The following ADGRG7 variants were observed in gnomAD, a reference collection of about 807,000 sequenced individuals.
ADGRG7 encodes G-protein coupled receptor 128.
Under a neutral mutation model 88.6 loss-of-function variants are expected in ADGRG7, and 82 were observed. The observed-to-expected ratio is 0.93, with a 90% CI of 0.77 to 1.11. The LOEUF is 1.11. Ranked by LOEUF, ADGRG7 falls within the 50% of genes most tolerant of loss-of-function variation. The pLI is 0.00. For synonymous variants in ADGRG7, 381 were observed against 345.2 expected, an observed-to-expected ratio of 1.10 and a Z score of -1.15; for missense variants, 945 against 953.4, an observed-to-expected ratio of 0.99 and a Z score of 0.12.
intron 8 of ADGRG7, among the ~76,000 whole-genome samples, chr3:100,645,225 G>A (rs1394710696): frequency 6.6e-6 from 1 of 152,262 alleles, no homozygotes; most frequent in East Asian, 1.9e-4. Context: ...CTCTTTGACT[G>A]CTGCCACCAA....
chr3:100,667,747 A>G (rs899228052), intron 14 of ADGRG7, among the ~76,000 whole-genome samples: 7 of 152,128 alleles, frequency 4.6e-5, no homozygotes, highest in Middle Eastern at 3.2e-3. Flanking sequence ...TTGAGGAATC[A>G]CCACACTATC....
rs183515656 is a variant in ADGRG7, at chr3:100,612,452, A to G, written c.115+2481A>G. 2.4e-4 allele frequency among the ~76,000 whole-genome samples: 37 copies of G among 152,340 alleles called. 1 individual carries two copies. The East Asian group carries it at 6.9e-3, about 29-fold the overall frequency. On this transcript the variant is annotated intron_variant, in intron 1 of 15. Coordinates refer to ENST00000273352, the MANE Select transcript of ADGRG7 (RefSeq NM_032787.3). Reference sequence around the variant, plus strand: ...TTGGGCATTCTTCATAGAAAAACACAAGAAGCAGTATAGCTTTTGGGCCCC... The same window carrying G: ...TTGGGCATTCTTCATAGAAAAACACGAGAAGCAGTATAGCTTTTGGGCCCC...
intron 5 of ADGRG7, among the ~76,000 whole-genome samples, chr3:100,636,645 G>A (rs76065821): frequency 4.7e-5 from 7 of 150,232 alleles, no homozygotes; most frequent in Non-Finnish European, 1.5e-5. Context: ...TTTTGTTTCA[G>A]AAAAAAAAAA....
chr3:100,687,768 A>G (rs1198739137), intron 15 of ADGRG7, among the ~76,000 whole-genome samples: 1 of 152,150 alleles, frequency 6.6e-6, no homozygotes, highest in African/African-American at 2.4e-5. Flanking sequence ...GTGCTGCTGG[A>G]TTCGGTTTGC....
intron 3 of ADGRG7, among the ~76,000 whole-genome samples, chr3:100,631,546 G>A (rs1349426237): frequency 1.3e-5 from 2 of 151,952 alleles, no homozygotes; most frequent in Non-Finnish European, 2.9e-5. Context: ...TTGCATTTGA[G>A]CAGTCCTACT....
chr3:100,643,325 C>T lies in ADGRG7; in HGVS notation c.758C>T (p.Pro253Leu). The change falls in exon 7 of 16, where the codon CCT becomes CTT. Residue 253 changes from proline (P) to leucine (L), a missense_variant. By Grantham distance (98) the Pro-to-Leu change is moderately conservative. Transcript: ENST00000273352. ...LSLGNQSVVE[P>L]NIAIQSANFS... ...TTGGGTAATCAATCAGTGGTGGAACCTAACATAGCAATACAGTCAGCAAAT... is the reference window on the plus strand; with the variant it reads ...TTGGGTAATCAATCAGTGGTGGAACTTAACATAGCAATACAGTCAGCAAAT... 1 of 1,613,998 alleles carries T rather than the reference C, an allele frequency of 6.2e-7. No individual in the cohort carries two copies.
intron 15 of ADGRG7, among the ~76,000 whole-genome samples, chr3:100,674,938 T>C (rs1288752307): frequency 6.6e-6 from 1 of 152,224 alleles, no homozygotes. Flanking sequence ...CTTATGTATG[T>C]TAATTTTGTA....
chr3:100,664,767 AT>A (rs1228750368), intron 14 of ADGRG7, among the ~76,000 whole-genome samples: 1 of 152,236 alleles, frequency 6.6e-6, no homozygotes, highest in Non-Finnish European at 1.5e-5. Flanking sequence ...ATAGTAACAA[AT>A]TCTGAACCAT....
intron 6 of ADGRG7, among the ~76,000 whole-genome samples, chr3:100,642,532 C>G (rs62274610): frequency 0.03 from 4,491 of 152,172 alleles, 89 homozygotes; most frequent in Non-Finnish European, 0.046. Context: ...TCTGGAAGAA[C>G]TAGACTGATT....
chr3:100,615,141 A>T (rs778865902), intron 1 of ADGRG7, among the ~76,000 whole-genome samples: 1 of 152,222 alleles, frequency 6.6e-6, no homozygotes, highest in Non-Finnish European at 1.5e-5. Flanking sequence ...GTCTGAGTCT[A>T]GCACCTGCTC....
At chr3:100,682,966 G>C (rs893942218) in intron 15 of ADGRG7, among the ~76,000 whole-genome samples, 7 of 152,150 alleles carry the variant, frequency 4.6e-5, no homozygotes, top group African/African-American at 1.7e-4. Context: ...TTGGGTGGAA[G>C]GGGGAGGGTC....
At chr3:100,670,636 C>T (rs374182672) in intron 15 of ADGRG7, among the ~76,000 whole-genome samples, 15 of 152,180 alleles carry the variant, frequency 9.9e-5, no homozygotes, top group Middle Eastern at 3.4e-3. Context: ...TAGCTATACA[C>T]GTGCCATGGT....
intron 11 of ADGRG7, chr3:100,654,385 A>G (rs2094934637): frequency 6.5e-6 from 1 of 153,132 alleles, no homozygotes; most frequent in Non-Finnish European, 1.5e-5. Flanking sequence ...AAAAGAAGTT[A>G]AAACATTACT....
intron 1 of ADGRG7, among the ~76,000 whole-genome samples, chr3:100,621,347 CAGTT>C (rs750334545): frequency 3.3e-5 from 5 of 152,176 alleles, no homozygotes; most frequent in Non-Finnish European, 5.9e-5. Context: ...TTGTGCCAAA[CAGTT>C]AGCCAAATTG....
chr3:100,632,180 C>T (rs1273585838), intron 3 of ADGRG7, among the ~76,000 whole-genome samples: 1 of 152,080 alleles, frequency 6.6e-6, no homozygotes, highest in Non-Finnish European at 1.5e-5. Context: ...GTAACATACC[C>T]ATGAAGAGTC....
At chr3:100,625,856 G>A (rs942495337) in intron 1 of ADGRG7, among the ~76,000 whole-genome samples, 11 of 152,210 alleles carry the variant, frequency 7.2e-5, no homozygotes, top group Admixed American at 6.5e-4. Flanking sequence ...TGTTGAACCA[G>A]CATTGCATCC....
chr3:100,646,926 G>A lies in ADGRG7; in HGVS notation c.1266+202G>A, dbSNP rs1352913616. Among the ~76,000 whole-genome samples the A allele has an allele frequency of 3.3e-5, 5 of 152,186 alleles. No individual in the cohort carries two copies. The East Asian group carries it at 9.6e-4, about 29-fold the overall frequency. On this transcript the variant is annotated intron_variant, in intron 10 of 15. Transcript: ENST00000273352. ...TGTAACCCCAGAACTTTGGAAGGCCGAGGCGGGCAGATCACGAGGTCAGGA... is the reference window on the plus strand; with the variant it reads ...TGTAACCCCAGAACTTTGGAAGGCCAAGGCGGGCAGATCACGAGGTCAGGA...
chr3:100,681,178 T>A (rs1559690927), intron 15 of ADGRG7, among the ~76,000 whole-genome samples: 12 of 151,970 alleles, frequency 7.9e-5, no homozygotes, highest in African/African-American at 2.9e-4. Context: ...AAATGGTGGA[T>A]AAAAATAAAT....
At chr3:100,649,928 C>T (rs910184595) in intron 11 of ADGRG7, 121 bp downstream of exon 11, 1 of 498,058 alleles carries the variant, frequency 2.0e-6, no homozygotes, top group African/African-American at 2.0e-5. Context: ...ACTTATTTTA[C>T]AGAGGAGGAC....
Sources: allele counts gnomAD v4.1 joint callset (sites outside exome capture counted in the v4.1 genomes callset), GRCh38; gene constraint gnomAD v4.1.1; transcripts MANE v1.5; gene names NCBI Gene and HGNC (gene_info 2026-07-23, HGNC 2026-07-21).